Variants in TAOK1 observed in about 807,000 individuals in gnomAD.
TAOK1 encodes the protein TAO kinase 1.
A neutral mutation model predicts 138.3 loss-of-function variants in TAOK1; 21 were observed. The observed-to-expected ratio is 0.15, with a 90% CI of 0.11 to 0.22. The LOEUF (loss-of-function observed/expected upper bound fraction) is 0.22, where lower values mean the gene tolerates loss of function less well. TAOK1 is among the 10% of genes least tolerant of loss of function. The pLI, the probability that TAOK1 is intolerant of heterozygous loss-of-function variation, is 1.00. For missense variants in TAOK1, 651 were observed against 1,227.7 expected (o/e 0.53, Z 7.02); for synonymous variants, 361 against 398.4 (o/e 0.91, Z 1.12).
At chr17:29,478,586 G>A (rs1236499100) in intron 6 of TAOK1, among the ~76,000 whole-genome samples, 1 of 152,028 alleles carries the variant, frequency 6.6e-6, no homozygotes, top group South Asian at 2.1e-4. Context: ...ATACTTTCTA[G>A]ATTTGTGGTA....
chr17:29,481,232 C>T (rs910283356), intron 7 of TAOK1, among the ~76,000 whole-genome samples: 3 of 150,594 alleles, frequency 2.0e-5, no homozygotes, highest in Non-Finnish European at 2.9e-5. Context: ...CTTGCTCTCT[C>T]GCCCAGGTTG....
At chr17:29,527,125 A>AG (rs2032025225) in intron 17 of TAOK1, among the ~76,000 whole-genome samples, 1 of 151,910 alleles carries the variant, frequency 6.6e-6, no homozygotes, top group Non-Finnish European at 1.5e-5. Context: ...ACTCTTTCTC[A>AG]GGGAAAAAAA....
intron 15 of TAOK1, chr17:29,513,334 A>C (rs1036831588): frequency 6.6e-6 from 1 of 152,126 alleles, no homozygotes; most frequent in Non-Finnish European, 1.5e-5. Context: ...CCATGACTAT[A>C]ATTCGAAAGC....
chr17:29,478,194 A>G, intron 5 of TAOK1, 57 bp from the exon 6 acceptor site: 1 of 1,294,584 alleles, frequency 7.7e-7, no homozygotes, highest in East Asian at 2.5e-5. Flanking sequence ...TGTATTAGAT[A>G]TGTATTTTTT....
chr17:29,426,727 T>C (rs1348487556), intron 1 of TAOK1, among the ~76,000 whole-genome samples: 1 of 152,230 alleles, frequency 6.6e-6, no homozygotes, highest in African/African-American at 2.4e-5. Context: ...TGGGACCAGC[T>C]GTTGGTACAT....
At chr17:29,484,641 G>C (rs772617744) in intron 8 of TAOK1, among the ~76,000 whole-genome samples, 1 of 152,024 alleles carries the variant, frequency 6.6e-6, no homozygotes, top group African/African-American at 2.4e-5. Flanking sequence ...GTCTCGCTCT[G>C]TTGTCCAGGC....
chr17:29,424,754 T>A (rs1051164844), intron 1 of TAOK1: 47 of 152,318 alleles, frequency 3.1e-4, no homozygotes, highest in African/African-American at 1.1e-3. Flanking sequence ...AACATAAGTT[T>A]AAAATTTTTT....
chr17:29,462,702 G>A (rs2030557946), intron 2 of TAOK1, among the ~76,000 whole-genome samples: 1 of 152,122 alleles, frequency 6.6e-6, no homozygotes, highest in Admixed American at 6.6e-5. Context: ...ATAATTAATT[G>A]ATGTAGTGAT....
At chr17:29,443,958 T>TA (rs1332625605) in intron 1 of TAOK1, among the ~76,000 whole-genome samples, 4 of 151,594 alleles carry the variant, frequency 2.6e-5, no homozygotes, top group African/African-American at 4.9e-5. Context: ...CTACTAAAAA[T>TA]ACAAAAATTA....
In TAOK1 at chr17:29,542,896, G is replaced by T; in HGVS notation, c.2880G>T (p.Met960Ile). 6.2e-7 allele frequency: 1 copy of T among 1,613,900 alleles called. No homozygotes were observed. Among genetic ancestry groups the T allele is most frequent in the Non-Finnish European group, 8.5e-7 (1 of 1,179,956 alleles). The stretch of plus-strand genomic sequence containing the variant: ...AAGGGGTACCTCGAGGTAGCAGTAT[G>T]GGAGTCCGCAATAGCCCCCAGGCTC... ...PMQGVPRGSSMGVRNSPQALR... is the reference protein window; with the variant it reads ...PMQGVPRGSSIGVRNSPQALR... The change falls in exon 20 of 20, where the codon ATG becomes ATT. Residue 960 changes from methionine (M) to isoleucine (I), a missense_variant. Around this residue, in one of 8 missense-constraint regions of TAOK1, gnomAD observed 108 missense variants for 120.3 expected, o/e 0.90. Transcript: ENST00000261716.
intron 8 of TAOK1, among the ~76,000 whole-genome samples, chr17:29,484,926 A>G (rs1010987930): frequency 2.0e-5 from 3 of 152,164 alleles, no homozygotes; most frequent in African/African-American, 7.2e-5. Context: ...CAGTCTTGGG[A>G]CACATATTTA....
chr17:29,422,074 T>G (rs935035921), intron 1 of TAOK1, among the ~76,000 whole-genome samples: 2 of 151,766 alleles, frequency 1.3e-5, no homozygotes, highest in African/African-American at 4.8e-5. Flanking sequence ...ATTTTTTGTA[T>G]TTTTAGTAGA....
chr17:29,434,689 G>T (rs1905970339), intron 1 of TAOK1, among the ~76,000 whole-genome samples: 1 of 152,172 alleles, frequency 6.6e-6, no homozygotes, highest in African/African-American at 2.4e-5. Flanking sequence ...TTATGCCATG[G>T]ATATTAATGT....
chr17:29,502,784 A>T, intron 13 of TAOK1, 61 bp downstream of exon 13: 1 of 1,553,760 alleles, frequency 6.4e-7, no homozygotes, highest in South Asian at 1.2e-5. Context: ...GGCAATATAA[A>T]CTCAAGTATA....
At chr17:29,469,154 G>C (rs1161465777) in intron 3 of TAOK1, among the ~76,000 whole-genome samples, 4 of 151,970 alleles carry the variant, frequency 2.6e-5, no homozygotes, top group African/African-American at 7.2e-5. Context: ...GGCCGAGGTG[G>C]GTGGATCATT....
chr17:29,435,779 T>TA (rs1906009426), intron 1 of TAOK1, among the ~76,000 whole-genome samples: 1 of 152,210 alleles, frequency 6.6e-6, no homozygotes, highest in Non-Finnish European at 1.5e-5. Flanking sequence ...TGTATCCTGT[T>TA]ACAAAAGAAA....
At chr17:29,434,775 C>G (rs560811125) in intron 1 of TAOK1, among the ~76,000 whole-genome samples, 1 of 152,186 alleles carries the variant, frequency 6.6e-6, no homozygotes, top group Non-Finnish European at 1.5e-5. Context: ...TGCAATGTGC[C>G]TTTTAACCTC....
chr17:29,522,655 A>C, intron 17 of TAOK1, 136 bp downstream of exon 17: 6 of 1,329,300 alleles, frequency 4.5e-6, no homozygotes, highest in Non-Finnish European at 6.1e-6. Context: ...TCTTTGGTTG[A>C]CTTTAATGTT....
chr17:29,454,304 C>T (rs1045583677), intron 2 of TAOK1, among the ~76,000 whole-genome samples: 15 of 152,028 alleles, frequency 9.9e-5, no homozygotes, highest in African/African-American at 1.9e-4. Context: ...AGTACCACAC[C>T]GTTTTGATGA....
Sources: gnomAD v4.1 joint callset for allele counts (sites outside exome capture counted in the v4.1 genomes callset) on GRCh38, gnomAD v4.1.1 for gene constraint, gnomAD v4.1.1 regional missense constraint, MANE v1.5 for transcripts, NCBI Gene and HGNC (gene_info 2026-07-23, HGNC 2026-07-21) for gene names.